Variants in ANO3 observed in about 807,000 individuals in gnomAD.
The protein encoded by ANO3 is anoctamin-3.
Under a neutral mutation model 144.8 loss-of-function variants are expected in ANO3, and 99 were observed. The ratio of observed to expected loss-of-function variants is 0.68; its 90% confidence interval spans 0.58 to 0.81. The LOEUF (loss-of-function observed/expected upper bound fraction) is 0.81. Ranked by LOEUF, ANO3 falls within the 30% of genes least tolerant of loss-of-function variation. The probability of loss-of-function intolerance (pLI) is 0.00; values close to 1 mark genes in which losing one functional copy is unlikely to be tolerated. For missense variants in ANO3, 905 were observed against 1,202.2 expected (o/e 0.75, Z 3.66); for synonymous variants, 414 against 392.6 (o/e 1.05, Z -0.64).
At chr11:26,316,213 G>T (rs977153847) in intron 1 of ANO3, among the ~76,000 whole-genome samples, 2 of 152,160 alleles carry the variant, frequency 1.3e-5, no homozygotes, top group Non-Finnish European at 2.9e-5. Flanking sequence ...ACACACACAA[G>T]ATAGTGAAAG....
intron 7 of ANO3, among the ~76,000 whole-genome samples, chr11:26,527,675 T>A (rs1324141547): frequency 2.6e-5 from 4 of 152,158 alleles, no homozygotes; most frequent in African/African-American, 9.7e-5. Context: ...AGGGGATAAA[T>A]AATGTACAGG....
chr11:26,516,547 G>A (rs1230876131), intron 5 of ANO3, among the ~76,000 whole-genome samples: 1 of 151,908 alleles, frequency 6.6e-6, no homozygotes, highest in Admixed American at 6.6e-5. Flanking sequence ...GCTCATGATT[G>A]ATTGTTCTGA....
chr11:26,535,498 G>T (rs533032578), intron 9 of ANO3, among the ~76,000 whole-genome samples: 37 of 150,500 alleles, frequency 2.5e-4, no homozygotes, highest in African/African-American at 6.1e-4. Context: ...AGCAAAAACT[G>T]GTACCAATCT....
chr11:26,414,451 G>A (rs982093848), intron 1 of ANO3, among the ~76,000 whole-genome samples: 2 of 152,038 alleles, frequency 1.3e-5, no homozygotes, highest in African/African-American at 2.4e-5. Flanking sequence ...GGACGCAGAT[G>A]AAGCCAGAAG....
chr11:26,435,135 G>A (rs979343219), intron 1 of ANO3, among the ~76,000 whole-genome samples: 3 of 152,132 alleles, frequency 2.0e-5, no homozygotes, highest in African/African-American at 7.2e-5. Context: ...GGATATTTAG[G>A]TCTTGTGGAA....
At chr11:26,541,137 T>A (rs545576654) in intron 10 of ANO3, among the ~76,000 whole-genome samples, 1 of 152,230 alleles carries the variant, frequency 6.6e-6, no homozygotes, top group South Asian at 2.1e-4. Context: ...GAGTTCGTGT[T>A]CTTTGCAGGG....
At chr11:26,292,580 C>G (rs1433660346) in intron 1 of ANO3, among the ~76,000 whole-genome samples, 1 of 152,134 alleles carries the variant, frequency 6.6e-6, no homozygotes, top group African/African-American at 2.4e-5. Context: ...ATGATGGTGA[C>G]CTACAGATGA....
intron 1 of ANO3, among the ~76,000 whole-genome samples, chr11:26,385,715 A>C (rs1035688926): frequency 6.6e-6 from 1 of 151,900 alleles, no homozygotes; most frequent in African/African-American, 2.4e-5. Context: ...ATCCTATATC[A>C]CAGGTTTCAG....
At chr11:26,643,695 C>T (rs1026356198) in intron 23 of ANO3, among the ~76,000 whole-genome samples, 1 of 150,302 alleles carries the variant, frequency 6.7e-6, no homozygotes, top group Non-Finnish European at 1.5e-5. Flanking sequence ...GCAGAGGTTG[C>T]AGCCTGGGCA....
chr11:26,610,094 A>C (rs1026306762), intron 17 of ANO3, among the ~76,000 whole-genome samples: 1 of 151,830 alleles, frequency 6.6e-6, no homozygotes, highest in African/African-American at 2.4e-5. Flanking sequence ...TATTTTTAGT[A>C]GAGGCGGGGT....
At chr11:26,480,540 A>C (rs548005468) in intron 4 of ANO3, among the ~76,000 whole-genome samples, 133 of 152,220 alleles carry the variant, frequency 8.7e-4, no homozygotes, top group African/African-American at 3.1e-3. Flanking sequence ...CAGGCCGGGC[A>C]CTCATGCCTG....
chr11:26,556,595 T>C (rs1017021693), intron 13 of ANO3, among the ~76,000 whole-genome samples: 10 of 152,192 alleles, frequency 6.6e-5, no homozygotes, highest in African/African-American at 2.2e-4. Flanking sequence ...AAACTCTCTA[T>C]GTTAACAAGT....
At chr11:26,488,244 C>T (rs1860545639) in intron 4 of ANO3, among the ~76,000 whole-genome samples, 1 of 152,146 alleles carries the variant, frequency 6.6e-6, no homozygotes, top group South Asian at 2.1e-4. Context: ...AATTTGCAGC[C>T]TGACAATGCA....
intron 14 of ANO3, among the ~76,000 whole-genome samples, chr11:26,583,703 G>A (rs61878562): frequency 0.072 from 10,911 of 152,240 alleles, 552 homozygotes; most frequent in African/African-American, 0.15. Flanking sequence ...CAAGGTTTCT[G>A]TTTCTACCTC....
In ANO3 at chr11:26,525,483, C is replaced by T. The variant is rs377514035; in HGVS notation, c.693-152C>T. 19 of 612,616 alleles carry T rather than the reference C, an allele frequency of 3.1e-5. No individual in the cohort carries two copies. In the African/African-American group the frequency reaches 3.1e-4, roughly 10 times the overall value. The allele number at this position is 612,616 out of a possible 1,614,324, so 37.9% of individuals were successfully genotyped here. A position where few individuals can be genotyped will look rare whatever the true frequency, so the allele number is the denominator to read the frequency against. ...AAAACAATGTAAGGTTGATATTCCT[C>T]ATAGTATGCTGGGTTATTTCAAACA... is the stretch of plus-strand genomic sequence containing the variant. On this transcript the variant is annotated intron_variant, in intron 6 of 26. Transcript: ENST00000256737.
chr11:26,547,756 CTT>C (rs1299962903), intron 12 of ANO3, among the ~76,000 whole-genome samples: 3 of 151,770 alleles, frequency 2.0e-5, no homozygotes, highest in East Asian at 1.9e-4. Flanking sequence ...TGCAAACTAT[CTT>C]GAGTAATTTC....
chr11:26,415,966 C>T (rs994552593), intron 1 of ANO3, among the ~76,000 whole-genome samples: 7 of 151,944 alleles, frequency 4.6e-5, no homozygotes, highest in African/African-American at 1.4e-4. Context: ...TGAATTGAAT[C>T]GATTATTCTT....
intron 4 of ANO3, among the ~76,000 whole-genome samples, chr11:26,472,468 T>C (rs1410798683): frequency 6.6e-6 from 1 of 151,902 alleles, no homozygotes; most frequent in Non-Finnish European, 1.5e-5. Context: ...TTTCCTGTTA[T>C]CACACAGCTG....
intron 1 of ANO3, among the ~76,000 whole-genome samples, chr11:26,240,524 G>A (rs187240653): frequency 5.2e-4 from 79 of 152,254 alleles, no homozygotes; most frequent in African/African-American, 1.8e-3. Context: ...CCAGCAATGT[G>A]TTTCATCCTC....
Sources: allele counts gnomAD v4.1 joint callset (sites outside exome capture counted in the v4.1 genomes callset), GRCh38; gene constraint gnomAD v4.1.1; transcripts MANE v1.5; gene names NCBI Gene and HGNC (gene_info 2026-07-23, HGNC 2026-07-21).